VEGFC: variants seen among roughly 807,000 people sequenced by gnomAD.
The protein encoded by VEGFC is vascular endothelial growth factor C.
In VEGFC, 12 loss-of-function variants were observed where a neutral mutation model predicts 46.1. The ratio of observed to expected loss-of-function variants is 0.26; its 90% confidence interval spans 0.17 to 0.42. The LOEUF is 0.42. Among genes scored for constraint, VEGFC ranks in the 10% least tolerant of loss-of-function variants. The probability of loss-of-function intolerance (pLI) is 1.00; values close to 1 mark genes in which losing one functional copy is unlikely to be tolerated. For synonymous variants in VEGFC, 232 were observed against 195.5 expected (o/e 1.19, Z -1.56); for missense variants, 488 against 529.4 (o/e 0.92, Z 0.77).
At chr4:176,736,467 G>A (rs975087631) in intron 1 of VEGFC, among the ~76,000 whole-genome samples, 5 of 56,790 alleles carry the variant, frequency 8.8e-5, no homozygotes, top group African/African-American at 1.5e-4. Context: ...GCCTCAATTA[G>A]TTCTACTATA....
chr4:176,694,573 G>T (rs1440744010), intron 4 of VEGFC, among the ~76,000 whole-genome samples: 1 of 151,858 alleles, frequency 6.6e-6, no homozygotes, highest in Non-Finnish European at 1.5e-5. Flanking sequence ...AGATCAACGA[G>T]ACAGAAAGTC....
chr4:176,751,348 T>G (rs1321055191), intron 1 of VEGFC, among the ~76,000 whole-genome samples: 2 of 152,008 alleles, frequency 1.3e-5, no homozygotes, highest in African/African-American at 2.4e-5. Flanking sequence ...CATAAGGGAC[T>G]ACTGTCAGTA....
At chr4:176,728,011 C>T (rs973629953) in intron 2 of VEGFC, 43 bp from the exon 3 acceptor site, 8 of 1,496,448 alleles carry the variant, frequency 5.3e-6, no homozygotes, top group Non-Finnish European at 5.4e-6. Flanking sequence ...CGGAAACCAC[C>T]AAGATAAAAA....
chr4:176,790,461 A>G lies in VEGFC; in HGVS notation c.147+1704T>C, dbSNP rs577569876. The stretch of plus-strand genomic sequence containing the variant: ...GGCAAATTTTACATCACCAACGAAG[A>G]CACTTTTGAAAGTTAAAAATAAGTT... On this transcript the variant is annotated intron_variant, in intron 1 of 6. Transcript: ENST00000618562. Among the ~76,000 whole-genome samples the G allele has an allele frequency of 1.2e-4, 19 of 152,304 alleles. No individual in the cohort carries two copies. In the East Asian group the frequency reaches 3.3e-3, roughly 26 times the overall value.
At chr4:176,731,674 T>C (rs1372465111) in intron 1 of VEGFC, among the ~76,000 whole-genome samples, 1 of 151,882 alleles carries the variant, frequency 6.6e-6, no homozygotes, top group Non-Finnish European at 1.5e-5. Flanking sequence ...GGTTGTGACC[T>C]AAACTGATCA....
intron 1 of VEGFC, among the ~76,000 whole-genome samples, chr4:176,787,104 T>C (rs1320827362): frequency 6.6e-6 from 1 of 152,146 alleles, no homozygotes; most frequent in African/African-American, 2.4e-5. Context: ...AATTAGATAA[T>C]AATGACTATA....
At chr4:176,733,027 T>A (rs759715205) in intron 1 of VEGFC, among the ~76,000 whole-genome samples, 35 of 151,828 alleles carry the variant, frequency 2.3e-4, no homozygotes, top group Admixed American at 1.3e-3. Context: ...AGTAATATAA[T>A]GCATTAAATT....
chr4:176,766,584 C>T (rs11734305), intron 1 of VEGFC, among the ~76,000 whole-genome samples: 121,473 of 145,430 alleles, frequency 0.84, 51,746 homozygotes, highest in East Asian at 1. Flanking sequence ...GACACTCTGT[C>T]TCAAAAAAAA....
intron 1 of VEGFC, among the ~76,000 whole-genome samples, chr4:176,741,243 C>G (rs910335161): frequency 6.6e-6 from 1 of 151,742 alleles, no homozygotes; most frequent in African/African-American, 2.4e-5. Context: ...TTTTAGTGTA[C>G]GGAACAGGAA....
chr4:176,727,770 A>G lies in VEGFC; in HGVS notation c.552+8T>C. 6.2e-7 allele frequency: 1 copy of G among 1,610,416 alleles called. No individual in the cohort carries two copies. Among genetic ancestry groups the G allele is most frequent in the South Asian group, 1.1e-5 (1 of 90,330 alleles). ...CTCTCGCAGGTAGCAGGAATGGGCAATACCCACCGTCTTGCTGAGGTAGCT... is the reference window on the plus strand; with the variant it reads ...CTCTCGCAGGTAGCAGGAATGGGCAGTACCCACCGTCTTGCTGAGGTAGCT... On this transcript the variant is annotated splice_region_variant and intron_variant, in intron 3 of 6. Transcript: ENST00000618562.
intron 1 of VEGFC, among the ~76,000 whole-genome samples, chr4:176,767,307 T>G (rs1259968285): frequency 6.6e-6 from 1 of 152,096 alleles, no homozygotes; most frequent in Non-Finnish European, 1.5e-5. Context: ...CCACAATAGC[T>G]AAAATAAAAA....
At chr4:176,772,956 ACATT>A (rs1735747050) in intron 1 of VEGFC, among the ~76,000 whole-genome samples, 2 of 152,348 alleles carry the variant, frequency 1.3e-5, no homozygotes, top group Admixed American at 6.5e-5. Context: ...TACCCAAAGT[ACATT>A]CATTCTCCTT....
At chr4:176,706,277 A>G (rs1734532688) in intron 4 of VEGFC, 1 of 69,886 alleles carries the variant, frequency 1.4e-5, no homozygotes. Context: ...TGACTGTGGG[A>G]AATCTCCCTC....
Position 176,792,185 on chromosome 4 carries a change from G to T in VEGFC, c.127C>A (p.Pro43Thr). 1.3e-6 allele frequency: 2 copies of T among 1,525,208 alleles called. No individual in the cohort carries two copies. The highest frequency in any genetic ancestry group is 1.8e-6 in the Non-Finnish European group (2 of 1,140,800). The allele number at this position is 1,525,208 out of a possible 1,614,324, so 94.5% of individuals were successfully genotyped here. ...CCTACCGTGGCCTCGCCCGCGTCGG[G>T]CTCCGCGTCCGAGAGGTCGAGTCCG... ...ESGLDLSDAEPDAGEATAYAS... is the reference protein window; with the variant it reads ...ESGLDLSDAETDAGEATAYAS... The change falls in exon 1 of 7, where the codon CCC becomes ACC. Residue 43 changes from proline (P) to threonine (T), a missense_variant. Transcript: ENST00000618562. The surrounding 1 kb of genome is among the most constrained non-coding windows in gnomAD (Gnocchi z 6.3).
chr4:176,700,898 G>A (rs887103147), intron 4 of VEGFC, among the ~76,000 whole-genome samples: 2 of 152,116 alleles, frequency 1.3e-5, no homozygotes, highest in African/African-American at 4.8e-5. Flanking sequence ...CGTTATGAGG[G>A]TATAAGAGTT....
At chr4:176,764,494 A>C (rs2110916064) in intron 1 of VEGFC, among the ~76,000 whole-genome samples, 1 of 152,336 alleles carries the variant, frequency 6.6e-6, no homozygotes, top group South Asian at 2.1e-4. Context: ...GTAAGAAGCA[A>C]AGAAGCCAAG....
chr4:176,725,661 A>G (rs1243650252), intron 3 of VEGFC, among the ~76,000 whole-genome samples: 1 of 152,120 alleles, frequency 6.6e-6, no homozygotes, highest in Non-Finnish European at 1.5e-5. Context: ...AGAATACATC[A>G]TATTGCTTAA....
intron 4 of VEGFC, chr4:176,689,697 TATTTTA>T (rs995846118): frequency 3.9e-5 from 6 of 152,342 alleles, no homozygotes; most frequent in African/African-American, 1.4e-4. Context: ...GTCTTTTATT[TATTTTA>T]ATTTTGACTT....
chr4:176,733,071 C>T (rs890019270), intron 1 of VEGFC, among the ~76,000 whole-genome samples: 2 of 151,776 alleles, frequency 1.3e-5, no homozygotes, highest in Non-Finnish European at 2.9e-5. Flanking sequence ...AATAAGACAC[C>T]ACTCCACACC....
Sources: gnomAD v4.1 joint callset for allele counts (sites outside exome capture counted in the v4.1 genomes callset) on GRCh38, gnomAD v4.1.1 for gene constraint, Gnocchi (gnomAD v3.1) non-coding constraint, MANE v1.5 for transcripts, NCBI Gene and HGNC (gene_info 2026-07-23, HGNC 2026-07-21) for gene names.